The following PDE3A variants were observed in gnomAD, a reference collection of about 807,000 sequenced individuals.
The protein encoded by PDE3A is cGMP-inhibited 3',5'-cyclic phosphodiesterase 3A.
In PDE3A, 43 loss-of-function variants were observed where a neutral mutation model predicts 98.3. The observed-to-expected ratio is 0.44, with a 90% CI of 0.34 to 0.56. The LOEUF (loss-of-function observed/expected upper bound fraction) is 0.56, where lower values mean the gene tolerates loss of function less well. PDE3A is among the 20% of genes least tolerant of loss of function. The pLI, the probability that PDE3A is intolerant of heterozygous loss-of-function variation, is 0.01. For missense variants in PDE3A, 1,427 were observed against 1,440.7 expected (o/e 0.99, Z 0.15); for synonymous variants, 663 against 567.9 (o/e 1.17, Z -2.38).
chr12:20,437,013 C>G (rs184699715), intron 1 of PDE3A, among the ~76,000 whole-genome samples: 1 of 151,128 alleles, frequency 6.6e-6, no homozygotes. Flanking sequence ...TTCCTCTTTT[C>G]TTTTTGCCTC....
chr12:20,386,501 T>G (rs1591871903), intron 1 of PDE3A, among the ~76,000 whole-genome samples: 2 of 151,404 alleles, frequency 1.3e-5, no homozygotes, highest in African/African-American at 4.8e-5. Context: ...TTTTTTCTTT[T>G]TTCTTCTTTC....
chr12:20,401,154 C>T, intron 1 of PDE3A, among the ~76,000 whole-genome samples: 1 of 152,068 alleles, frequency 6.6e-6, no homozygotes, highest in East Asian at 1.9e-4. Context: ...TCTCACTGTC[C>T]TAGTTTATGG....
chr12:20,478,847 C>G (rs957807109), intron 1 of PDE3A, among the ~76,000 whole-genome samples: 1 of 152,002 alleles, frequency 6.6e-6, no homozygotes, highest in African/African-American at 2.4e-5. Context: ...AAATCATTTC[C>G]AGGTCAAAAT....
chr12:20,650,469 T>C lies in PDE3A; in HGVS notation c.2794T>C (p.Trp932Arg). ...GKVNDDVGID[W>R]TNENDRLLVC... ...GGTAAATGATGATGTTGGAATAGAT[T>C]GGACCAATGAAAATGATCGTCTACT... The change falls in exon 14 of 16, where the codon TGG becomes CGG. Residue 932 changes from tryptophan to arginine, a missense_variant. Physicochemically the swap from Trp to Arg is moderately radical, Grantham distance 101. This residue lies in a region of PDE3A where 273 missense variants were observed against 420.3 expected (regional missense o/e 0.65). Coordinates refer to ENST00000359062, the MANE Select transcript of PDE3A (RefSeq NM_000921.5). 6.2e-7 allele frequency: 1 copy of C among 1,610,230 alleles called. No homozygotes were observed. Among genetic ancestry groups the C allele is most frequent in the Non-Finnish European group, 8.5e-7 (1 of 1,177,172 alleles).
chr12:20,471,542 T>C (rs947869633), intron 1 of PDE3A, among the ~76,000 whole-genome samples: 1 of 152,170 alleles, frequency 6.6e-6, no homozygotes, highest in Non-Finnish European at 1.5e-5. Flanking sequence ...TGGGTTCCCC[T>C]TACATCTCAG....
At chr12:20,660,332 T>G (rs558170241) in intron 15 of PDE3A, among the ~76,000 whole-genome samples, 1 of 152,256 alleles carries the variant, frequency 6.6e-6, no homozygotes, top group Admixed American at 6.5e-5. Flanking sequence ...AGTGTGAAAA[T>G]GGACTAATAC....
In PDE3A at chr12:20,551,740, G is replaced by C; in HGVS notation, c.961-4920G>C. On this transcript the variant is annotated intron_variant, in intron 1 of 15. Transcript: ENST00000359062. ...GTGCCGGAATGATGCCAGCGAGGTG[G>C]TACTGGCGGGAGAGCGGCTGAGAGA... The C allele has an allele frequency of 1.9e-6, 3 of 1,608,242 alleles. No individual in the cohort carries two copies. The South Asian group carries it at 3.3e-5, about 18-fold the overall frequency.
In PDE3A at chr12:20,613,697, A is replaced by T. The variant is rs1236309119; in HGVS notation, c.1266A>T (p.Pro422=). Residue 422 remains proline, a synonymous_variant, in exon 3 of 16, where the codon CCA becomes CCT. Coordinates refer to ENST00000359062, the MANE Select transcript of PDE3A (RefSeq NM_000921.5). ...CTGAAAAAGACAAGCTTGCTATTCC[A>T]AAGGTAGGTAGTAATGACATACCCC... The part of the protein sequence containing the change: ...ESSEKDKLAI[P]KRLRRSLPPG... 1 of 1,613,452 alleles carries T rather than the reference A, an allele frequency of 6.2e-7. No individual in the cohort carries two copies.
At chr12:20,405,415 C>A (rs1944214857) in intron 1 of PDE3A, among the ~76,000 whole-genome samples, 1 of 152,110 alleles carries the variant, frequency 6.6e-6, no homozygotes. Context: ...ATCTTTCATT[C>A]CCCATTTCCA....
intron 1 of PDE3A, among the ~76,000 whole-genome samples, chr12:20,534,206 A>G (rs1030441588): frequency 2.6e-5 from 4 of 152,222 alleles, no homozygotes; most frequent in African/African-American, 4.8e-5. Flanking sequence ...CTAGAGAATG[A>G]GAGTTCCTCC....
intron 1 of PDE3A, chr12:20,371,457 G>A: frequency 1.0e-6 from 1 of 981,888 alleles, no homozygotes; most frequent in African/African-American, 1.7e-5. Flanking sequence ...TAGGGAGCAA[G>A]AGAATATCCT....
Position 20,369,648 on chromosome 12 carries a change from G to T in PDE3A, c.364G>T (p.Gly122Cys). ...GGGGCCTCGGGGAGGTGCTCCCGGG[G>T]GCGGTGCGCGGCTCAGCCCCTGGCT... Reference protein sequence around the residue: ...FPGPRGGAPGGGARLSPWLQP... With the variant: ...FPGPRGGAPGCGARLSPWLQP... The change falls in exon 1 of 16, where the codon GGC becomes TGC. Residue 122 changes from glycine to cysteine, a missense_variant. Gly to Cys is a radical substitution (Grantham distance 159). This residue lies in a region of PDE3A where 1,012 missense variants were observed against 886.5 expected (regional missense o/e 1.14). Coordinates refer to ENST00000359062, the MANE Select transcript of PDE3A (RefSeq NM_000921.5). The T allele has an allele frequency of 1.9e-6, 3 of 1,599,582 alleles. No individual in the cohort carries two copies. The highest frequency in any genetic ancestry group is 1.1e-5 in the South Asian group (1 of 89,576).
chr12:20,446,994 G>A lies in PDE3A; in HGVS notation c.960+76750G>A, dbSNP rs553621495. Among the ~76,000 whole-genome samples, 7 of 152,312 alleles carry A rather than the reference G, an allele frequency of 4.6e-5. No individual in the cohort carries two copies. In the South Asian group the frequency reaches 1.5e-3, roughly 32 times the overall value. On this transcript the variant is annotated intron_variant, in intron 1 of 15. Transcript: ENST00000359062. ...AGTGTTATGATAAGAGGTCCTGAAG[G>A]CAGCAGTGAGAAATGCCCTGGAAGC...
intron 15 of PDE3A, among the ~76,000 whole-genome samples, chr12:20,671,577 A>G (rs1446303033): frequency 6.6e-6 from 1 of 151,408 alleles, no homozygotes; most frequent in Non-Finnish European, 1.5e-5. Flanking sequence ...TCCAGCATAT[A>G]AACAGAGCCA....
chr12:20,404,835 T>TTTG lies in PDE3A; in HGVS notation c.960+34593_960+34594insGTT, dbSNP rs1944203701. 4.1e-5 allele frequency among the ~76,000 whole-genome samples: 6 copies of TTTG among 148,036 alleles called. No homozygotes were observed. The South Asian group carries it at 1.3e-3, about 32-fold the overall frequency. ...ATGTGTAGGTTACAGAGTTTTTTTT[T>TTTG]TTTTTTTTTTTTTGAGCAGGAACTA... On this transcript the variant is annotated intron_variant, in intron 1 of 15. Transcript: ENST00000359062.
At chr12:20,614,347 A>G (rs1943947769) in intron 3 of PDE3A, among the ~76,000 whole-genome samples, 1 of 152,152 alleles carries the variant, frequency 6.6e-6, no homozygotes, top group South Asian at 2.1e-4. Flanking sequence ...TTAGATCTCA[A>G]TATTAATTAA....
intron 1 of PDE3A, among the ~76,000 whole-genome samples, chr12:20,386,227 TAA>T (rs1371784359): frequency 0.01 from 290 of 28,902 alleles, 22 homozygotes; most frequent in African/African-American, 0.027. Context: ...ATATAAAAAA[TAA>T]AAATATAAAT....
At chr12:20,418,755 C>T (rs1403278882) in intron 1 of PDE3A, among the ~76,000 whole-genome samples, 1 of 151,862 alleles carries the variant, frequency 6.6e-6, no homozygotes, top group Admixed American at 6.6e-5. Context: ...TGTTAGTTTT[C>T]CCACAACACT....
rs754325361 is a variant in PDE3A at position 20,635,014 on chromosome 12, A to G, written c.1959A>G (p.Ala653=). The G allele has an allele frequency of 3.7e-6, 6 of 1,613,820 alleles. No homozygotes were observed. The highest frequency in any genetic ancestry group is 5.1e-6 in the Non-Finnish European group (6 of 1,179,828). Residue 653 remains alanine, a synonymous_variant, in exon 8 of 16, where the codon GCA becomes GCG. Transcript: ENST00000359062. ...GCCTGAGAGAGCCTCTGAGGAAAGC[A>G]TCGGCTTGCAGCACCTATGCTCCTG... The part of the protein sequence containing the change: ...TECLREPLRK[A]SACSTYAPET...
Sources: allele counts gnomAD v4.1 joint callset (sites outside exome capture counted in the v4.1 genomes callset), GRCh38; gene constraint gnomAD v4.1.1; regional missense constraint gnomAD v4.1.1; transcripts MANE v1.5; gene names NCBI Gene and HGNC (gene_info 2026-07-23, HGNC 2026-07-21).